The following CFAP61 variants were observed in gnomAD, a reference collection of about 807,000 sequenced individuals.
The protein encoded by CFAP61 is cilia- and flagella-associated protein 61.
In CFAP61, 107 loss-of-function variants were observed where a neutral mutation model predicts 135.6. That is an observed-to-expected ratio of 0.79 (90% CI 0.67 to 0.93). CFAP61 has a LOEUF of 0.93. Ranked by LOEUF, CFAP61 falls within the 40% of genes least tolerant of loss-of-function variation. The pLI, the probability that CFAP61 is intolerant of heterozygous loss-of-function variation, is 0.00. For missense variants in CFAP61, 1,507 were observed against 1,556.2 expected (o/e 0.97, Z 0.53); for synonymous variants, 575 against 578.5 (o/e 0.99, Z 0.09).
chr20:20,063,887 A>G (rs1187471801), intron 2 of CFAP61, among the ~76,000 whole-genome samples: 3 of 152,218 alleles, frequency 2.0e-5, no homozygotes, highest in African/African-American at 7.2e-5. Context: ...TTTATATACT[A>G]ACAATGAACA....
chr20:20,303,377 G>C (rs192899107), intron 25 of CFAP61, among the ~76,000 whole-genome samples: 29 of 152,232 alleles, frequency 1.9e-4, no homozygotes, highest in African/African-American at 7.0e-4. Context: ...ATGGCAAGAC[G>C]GGGTGACACT....
At chr20:20,082,837 A>C (rs1327898486) in intron 6 of CFAP61, among the ~76,000 whole-genome samples, 2 of 152,188 alleles carry the variant, frequency 1.3e-5, no homozygotes, top group African/African-American at 4.8e-5. Flanking sequence ...AAAAGTCAAA[A>C]AACAGCAGAT....
chr20:20,333,803 T>C (rs2058081542), intron 25 of CFAP61, among the ~76,000 whole-genome samples: 1 of 152,156 alleles, frequency 6.6e-6, no homozygotes, highest in Non-Finnish European at 1.5e-5. Context: ...AAATGTGACC[T>C]GATGAAGGCA....
chr20:20,191,787 CGTGT>C lies in CFAP61; in HGVS notation c.1590+381_1590+384del, dbSNP rs145207907. 2.0e-5 allele frequency among the ~76,000 whole-genome samples: 3 copies of C among 150,936 alleles called. No homozygotes were observed. The East Asian group carries it at 5.8e-4, about 29-fold the overall frequency. On this transcript the variant is annotated intron_variant, in intron 15 of 26. Coordinates refer to ENST00000245957, the MANE Select transcript of CFAP61 (RefSeq NM_015585.4). ...CTTCTTTGCACTTTATTACATATAT[CGTGT>C]GTGTGTGTGTGTCAAATGGAAATGC...
chr20:20,159,539 A>C (rs1013104879), intron 10 of CFAP61, 95 bp downstream of exon 10: 7 of 1,084,896 alleles, frequency 6.5e-6, no homozygotes, highest in East Asian at 2.4e-5. Context: ...CCTCCTCCCA[A>C]TCTCCCTGCC....
At chr20:20,074,831 A>G (rs1316317862) in intron 4 of CFAP61, among the ~76,000 whole-genome samples, 14 of 152,128 alleles carry the variant, frequency 9.2e-5, no homozygotes, top group Non-Finnish European at 2.1e-4. Context: ...CTGCACAGAC[A>G]TTTGGGGGTG....
At chr20:20,265,429 T>C (rs2052638202) in intron 21 of CFAP61, 1 of 779,786 alleles carries the variant, frequency 1.3e-6, no homozygotes, top group Non-Finnish European at 2.4e-6. Flanking sequence ...AGGAAGAGCA[T>C]CAGTGTTATT....
chr20:20,356,548 CACTGAGGGGAGGTGGTCAT>C (rs2059182321), intron 26 of CFAP61, among the ~76,000 whole-genome samples: 3 of 85,882 alleles, frequency 3.5e-5, no homozygotes, highest in African/African-American at 7.1e-5. Context: ...GAGGTGGTCA[CACTGAGGGGAGGTGGTCAT>C]AGTGTGAGGG....
chr20:20,232,873 A>G (rs2049261415), intron 18 of CFAP61: 1 of 152,202 alleles, frequency 6.6e-6, no homozygotes, highest in African/African-American at 2.4e-5. Flanking sequence ...CTAGAGAGAA[A>G]CACTGATTCA....
chr20:20,331,602 G>A (rs1202111164), intron 25 of CFAP61, among the ~76,000 whole-genome samples: 1 of 152,160 alleles, frequency 6.6e-6, no homozygotes, highest in Non-Finnish European at 1.5e-5. Context: ...AGAATTTAAA[G>A]AGCCATTACT....
At chr20:20,345,856 A>T in intron 26 of CFAP61, among the ~76,000 whole-genome samples, 1 of 127,722 alleles carries the variant, frequency 7.8e-6, no homozygotes, top group African/African-American at 2.9e-5. Context: ...CAGGAGGCAG[A>T]GGTTGTATTT....
chr20:20,204,480 C>T (rs1442926570), intron 17 of CFAP61, among the ~76,000 whole-genome samples: 2 of 152,164 alleles, frequency 1.3e-5, no homozygotes, highest in Non-Finnish European at 1.5e-5. Flanking sequence ...CCCTTTTCAT[C>T]TGGCTGTTCT....
At chr20:20,289,846 A>G (rs1401382486) in intron 23 of CFAP61, among the ~76,000 whole-genome samples, 2 of 152,264 alleles carry the variant, frequency 1.3e-5, no homozygotes, top group African/African-American at 4.8e-5. Context: ...TAAGAATTCG[A>G]TAATGACAGT....
At chr20:20,358,441 T>C (rs2059355373) in intron 26 of CFAP61, among the ~76,000 whole-genome samples, 1 of 152,198 alleles carries the variant, frequency 6.6e-6, no homozygotes. Flanking sequence ...GCATACAATA[T>C]GAGCTCAAAA....
At chr20:20,289,767 C>T (rs1187725139) in intron 23 of CFAP61, among the ~76,000 whole-genome samples, 1 of 152,206 alleles carries the variant, frequency 6.6e-6, no homozygotes, top group Non-Finnish European at 1.5e-5. Context: ...CGTAGGCAGG[C>T]AAGAGAAGGG....
intron 2 of CFAP61, among the ~76,000 whole-genome samples, chr20:20,067,688 A>C (rs922151546): frequency 7.0e-6 from 1 of 143,268 alleles, no homozygotes; most frequent in Non-Finnish European, 1.5e-5. Context: ...ATTATATATA[A>C]TTTTTTTATA....
At chr20:20,076,804 C>T (rs546150109) in intron 6 of CFAP61, among the ~76,000 whole-genome samples, 2 of 152,256 alleles carry the variant, frequency 1.3e-5, no homozygotes, top group East Asian at 3.9e-4. Context: ...ATGCTGGCAT[C>T]GGATAGATCT....
At chr20:20,096,589 G>C (rs2047591228) in intron 7 of CFAP61, among the ~76,000 whole-genome samples, 1 of 152,224 alleles carries the variant, frequency 6.6e-6, no homozygotes, top group African/African-American at 2.4e-5. Flanking sequence ...TCGAAGTTTT[G>C]TTGCGCCAGC....
intron 17 of CFAP61, among the ~76,000 whole-genome samples, chr20:20,218,817 T>C (rs1375765485): frequency 1.3e-5 from 2 of 152,204 alleles, no homozygotes; most frequent in Admixed American, 1.3e-4. Context: ...CTGCTAAAGT[T>C]TTGGTGGTAG....
Sources: allele counts gnomAD v4.1 joint callset (sites outside exome capture counted in the v4.1 genomes callset), GRCh38; gene constraint gnomAD v4.1.1; transcripts MANE v1.5; gene names NCBI Gene and HGNC (gene_info 2026-07-23, HGNC 2026-07-21).